Variants in GLP2R observed in about 807,000 individuals in gnomAD.
GLP2R encodes glucagon like peptide 2 receptor.
Under a neutral mutation model 68.2 loss-of-function variants are expected in GLP2R, and 59 were observed. That is an observed-to-expected ratio of 0.87 (90% confidence interval 0.70 to 1.07). GLP2R has a LOEUF of 1.07. Among genes scored for constraint, GLP2R ranks in the 50% least tolerant of loss-of-function variants. The probability of loss-of-function intolerance (pLI) is 0.00; values close to 1 mark genes in which losing one functional copy is unlikely to be tolerated. For synonymous variants in GLP2R, 270 were observed against 265.4 expected (o/e 1.02, Z -0.17); for missense variants, 548 against 677.4 (o/e 0.81, Z 2.12).
chr17:9,844,559 T>C (rs951307098), intron 4 of GLP2R, among the ~76,000 whole-genome samples: 2 of 150,380 alleles, frequency 1.3e-5, no homozygotes, highest in African/African-American at 4.9e-5. Context: ...GACAACAAGA[T>C]CGCAGGCTTC....
intron 10 of GLP2R, among the ~76,000 whole-genome samples, chr17:9,878,976 G>T (rs938674481): frequency 1.1e-4 from 17 of 152,022 alleles, no homozygotes; most frequent in African/African-American, 3.6e-4. Context: ...TTCCCAATGT[G>T]GGTAAGACAG....
chr17:9,889,617 C>T lies in GLP2R; in HGVS notation c.1574C>T (p.Pro525Leu). The part of the protein sequence containing the change: ...AQPQQDHARW[P>L]RGSSLSECSE... Reference sequence around the variant, plus strand: ...CCCCAACAGGACCATGCACGCTGGCCCCGGGGCAGCAGCCTGTCCGAGTGC... The same window carrying T: ...CCCCAACAGGACCATGCACGCTGGCTCCGGGGCAGCAGCCTGTCCGAGTGC... The change falls in exon 13 of 13, where the codon CCC becomes CTC. Residue 525 changes from proline to leucine, a missense_variant. Transcript: ENST00000262441. 6.2e-7 allele frequency: 1 copy of T among 1,613,594 alleles called. No homozygotes were observed. The highest frequency in any genetic ancestry group is 8.5e-7 in the Non-Finnish European group (1 of 1,179,660).
intron 11 of GLP2R, among the ~76,000 whole-genome samples, chr17:9,881,590 C>T (rs986816754): frequency 1.5e-5 from 2 of 135,788 alleles, no homozygotes; most frequent in Non-Finnish European, 3.0e-5. Context: ...CCGTTTTAGC[C>T]GGGATGGTCT....
chr17:9,875,538 A>G (rs371522270), intron 10 of GLP2R, among the ~76,000 whole-genome samples: 4 of 152,248 alleles, frequency 2.6e-5, no homozygotes, highest in South Asian at 4.1e-4. Context: ...CCTGCCAAAG[A>G]GGCAAGTTGC....
intron 5 of GLP2R, 102 bp downstream of exon 5, chr17:9,854,703 G>A (rs758378639): frequency 5.0e-5 from 38 of 754,152 alleles, no homozygotes; most frequent in Non-Finnish European, 8.6e-5. Flanking sequence ...CTGAAACCAG[G>A]GGTAGAACGA....
At chr17:9,852,653 C>A in intron 4 of GLP2R, 5 of 180,414 alleles carry the variant, frequency 2.8e-5, no homozygotes, top group Non-Finnish European at 4.6e-5. Flanking sequence ...TAAATAAAAC[C>A]CAAACTTGGT....
chr17:9,881,996 A>G (rs1464674342), intron 11 of GLP2R, among the ~76,000 whole-genome samples: 2 of 151,734 alleles, frequency 1.3e-5, no homozygotes, highest in Non-Finnish European at 2.9e-5. Context: ...ATAAAATTGG[A>G]CAATTGTCAA....
intron 4 of GLP2R, among the ~76,000 whole-genome samples, chr17:9,852,101 C>G (rs184360442): frequency 6.7e-6 from 1 of 148,410 alleles, no homozygotes; most frequent in Non-Finnish European, 1.5e-5. Context: ...ATGTGCAGAA[C>G]GGGCAGGTTT....
intron 4 of GLP2R, chr17:9,853,078 T>C: frequency 7.5e-6 from 4 of 531,360 alleles, no homozygotes; most frequent in South Asian, 6.9e-5. Context: ...ATTTTCAAAG[T>C]CGCCAGTGTT....
chr17:9,885,182 T>C (rs189174027), intron 11 of GLP2R, among the ~76,000 whole-genome samples: 223 of 138,812 alleles, frequency 1.6e-3, no homozygotes, highest in African/African-American at 5.8e-3. Flanking sequence ...ATTATTATTA[T>C]TATTACCATT....
At chr17:9,877,521 C>A (rs1360765431) in intron 10 of GLP2R, among the ~76,000 whole-genome samples, 1 of 152,170 alleles carries the variant, frequency 6.6e-6, no homozygotes, top group Non-Finnish European at 1.5e-5. Context: ...AAACCCCGAA[C>A]TTTAGTTCCT....
At chr17:9,829,116 G>T (rs1200980632) in intron 1 of GLP2R, among the ~76,000 whole-genome samples, 1 of 152,182 alleles carries the variant, frequency 6.6e-6, no homozygotes, top group Admixed American at 6.5e-5. Context: ...TTCACTTAAT[G>T]AGAAATTCTC....
At chr17:9,873,407 A>G (rs1383744274) in intron 10 of GLP2R, among the ~76,000 whole-genome samples, 1 of 152,180 alleles carries the variant, frequency 6.6e-6, no homozygotes, top group Admixed American at 6.5e-5. Context: ...ACAGCTGGCC[A>G]GAAGTGCAGC....
At chr17:9,852,210 C>T (rs983636801) in intron 4 of GLP2R, among the ~76,000 whole-genome samples, 2 of 152,040 alleles carry the variant, frequency 1.3e-5, no homozygotes, top group Non-Finnish European at 2.9e-5. Context: ...CTGTAATGCT[C>T]TCTCTCCCCT....
At chr17:9,841,670 G>C (rs931578265) in intron 3 of GLP2R, among the ~76,000 whole-genome samples, 7 of 152,184 alleles carry the variant, frequency 4.6e-5, no homozygotes, top group Non-Finnish European at 1.0e-4. Flanking sequence ...GGAGTGTGTT[G>C]TTTGAGATGT....
chr17:9,869,026 C>T (rs1040933325), intron 9 of GLP2R, among the ~76,000 whole-genome samples: 2 of 152,218 alleles, frequency 1.3e-5, no homozygotes, highest in Non-Finnish European at 2.9e-5. Flanking sequence ...TGGCTAGGAA[C>T]CTCCATCATT....
chr17:9,873,673 G>C lies in GLP2R; in HGVS notation c.1145+2838G>C, dbSNP rs563230451. On this transcript the variant is annotated intron_variant, in intron 10 of 12. Transcript: ENST00000262441. ...GGGGCTCAGGGAAGCCAAAAGGTTG[G>C]ATACCCCTGCTGCAGAGTCTCCCAG... Among the ~76,000 whole-genome samples, 50 of 149,988 alleles carry C rather than the reference G, an allele frequency of 3.3e-4. No individual in the cohort carries two copies. The South Asian group carries it at 9.5e-3, about 28-fold the overall frequency.
Position 9,853,543 on chromosome 17 carries a change from A to G in GLP2R, c.505-952A>G, listed in dbSNP as rs533665788. Among the ~76,000 whole-genome samples, 300 of 152,370 alleles carry G rather than the reference A, an allele frequency of 2.0e-3. 1 individual carries two copies. Among genetic ancestry groups the G allele is most frequent in the African/African-American group, 6.3e-3 (264 of 41,598 alleles). ...ATATTAAGAGAGATGGAACATCACTACTGATACTTTATAGACATTAGAAGG... is the reference window on the plus strand; with the variant it reads ...ATATTAAGAGAGATGGAACATCACTGCTGATACTTTATAGACATTAGAAGG... On this transcript the variant is annotated intron_variant, in intron 4 of 12. Transcript: ENST00000262441.
At chr17:9,864,061 C>A (rs1339742892) in intron 9 of GLP2R, among the ~76,000 whole-genome samples, 1 of 152,194 alleles carries the variant, frequency 6.6e-6, no homozygotes, top group Non-Finnish European at 1.5e-5. Flanking sequence ...GGAGCTACAC[C>A]AATGGTTCTC....
Sources: gnomAD v4.1 joint callset for allele counts (sites outside exome capture counted in the v4.1 genomes callset) on GRCh38, gnomAD v4.1.1 for gene constraint, MANE v1.5 for transcripts, NCBI Gene and HGNC (gene_info 2026-07-23, HGNC 2026-07-21) for gene names.